Variants in NRIP1 observed in about 807,000 individuals in gnomAD.
NRIP1 encodes the protein nuclear receptor-interacting protein 1.
A neutral mutation model predicts 75.0 loss-of-function variants in NRIP1; 28 were observed. That is an observed-to-expected ratio of 0.37 (90% CI 0.28 to 0.51). The LOEUF (loss-of-function observed/expected upper bound fraction) is 0.51. Among genes scored for constraint, NRIP1 ranks in the 20% least tolerant of loss-of-function variants. The probability of loss-of-function intolerance (pLI) is 0.92; values close to 1 mark genes in which losing one functional copy is unlikely to be tolerated. For synonymous variants in NRIP1, 526 were observed against 487.6 expected, an observed-to-expected ratio of 1.08 and a Z score of -1.04; for missense variants, 1,435 against 1,343.7, an observed-to-expected ratio of 1.07 and a Z score of -1.06.
chr21:14,986,745 T>G (rs970993870), intron 3 of NRIP1, among the ~76,000 whole-genome samples: 1 of 152,196 alleles, frequency 6.6e-6, no homozygotes, highest in Non-Finnish European at 1.5e-5. Context: ...TTGGCATATA[T>G]TTTATTCATT....
chr21:15,025,780 A>G (rs916602455), intron 2 of NRIP1, among the ~76,000 whole-genome samples: 1 of 152,222 alleles, frequency 6.6e-6, no homozygotes, highest in Non-Finnish European at 1.5e-5. Context: ...ATGAGGAAAC[A>G]GAAGACAACC....
intron 3 of NRIP1, among the ~76,000 whole-genome samples, chr21:14,971,277 G>A (rs959908004): frequency 6.6e-6 from 1 of 152,126 alleles, no homozygotes; most frequent in African/African-American, 2.4e-5. Context: ...TTCCCAGTAG[G>A]AAGGAAGGGA....
At chr21:14,970,669 C>A (rs1321910325) in intron 3 of NRIP1, among the ~76,000 whole-genome samples, 1 of 152,182 alleles carries the variant, frequency 6.6e-6, no homozygotes, top group Non-Finnish European at 1.5e-5. Flanking sequence ...CACTGCCAAC[C>A]TTTTTGCTCT....
chr21:14,970,376 T>C (rs1039634513), intron 3 of NRIP1, among the ~76,000 whole-genome samples: 1 of 152,018 alleles, frequency 6.6e-6, no homozygotes, highest in Non-Finnish European at 1.5e-5. Context: ...TGAAACCCCA[T>C]CTCTAGTAAA....
At chr21:15,023,279 A>G (rs372762851) in intron 2 of NRIP1, among the ~76,000 whole-genome samples, 6 of 152,208 alleles carry the variant, frequency 3.9e-5, no homozygotes, top group East Asian at 3.8e-4. Flanking sequence ...AAAACATCAA[A>G]AGTAATTTCA....
In NRIP1 at chr21:14,964,339, G is replaced by A. The variant is rs2086664727; in HGVS notation, c.*377C>T. On this transcript the variant is annotated 3_prime_UTR_variant, in exon 4 of 4. Coordinates refer to ENST00000318948, the MANE Select transcript of NRIP1 (RefSeq NM_003489.4). ...TAGACTTTAAAAATGTGTTATGTAGGCTGACTTCTGAAAAGCAAAATAAAG... is the reference window on the plus strand; with the variant it reads ...TAGACTTTAAAAATGTGTTATGTAGACTGACTTCTGAAAAGCAAAATAAAG... 6.3e-6 allele frequency: 1 copy of A among 159,378 alleles called. No homozygotes were observed. The allele number at this position is 159,378 out of a possible 1,614,324, so 9.9% of individuals were successfully genotyped here.
At chr21:15,028,529 A>G (rs1600892983) in intron 2 of NRIP1, among the ~76,000 whole-genome samples, 1 of 152,142 alleles carries the variant, frequency 6.6e-6, no homozygotes, top group Non-Finnish European at 1.5e-5. Flanking sequence ...TTGTATGTAT[A>G]TTTTTTACAA....
chr21:14,984,764 A>G (rs2087346789), intron 3 of NRIP1, among the ~76,000 whole-genome samples: 1 of 152,208 alleles, frequency 6.6e-6, no homozygotes. Flanking sequence ...ATCATTACAG[A>G]GACCCCAACC....
intron 1 of NRIP1, among the ~76,000 whole-genome samples, chr21:15,055,023 C>G (rs947793335): frequency 3.9e-5 from 6 of 152,128 alleles, no homozygotes; most frequent in Non-Finnish European, 7.4e-5. Context: ...GTGTGTGGTC[C>G]ATGAAAAGGT....
chr21:15,000,563 C>T (rs2087827664), intron 3 of NRIP1, among the ~76,000 whole-genome samples: 1 of 152,118 alleles, frequency 6.6e-6, no homozygotes, highest in Admixed American at 6.5e-5. Context: ...TAACCATGTG[C>T]ATGCCATGTA....
rs1198395930 is a variant in NRIP1, at chr21:15,043,480, G to A, written c.-458+15C>T. Reference sequence around the variant, plus strand: ...AACATTTTTAAAAGTGGGGCAATGAGACAAAAGACAATACCTTCTGGCTGT... The same window carrying A: ...AACATTTTTAAAAGTGGGGCAATGAAACAAAAGACAATACCTTCTGGCTGT... On this transcript the variant is annotated intron_variant, in intron 2 of 3. Coordinates refer to ENST00000318948, the MANE Select transcript of NRIP1 (RefSeq NM_003489.4). The A allele has an allele frequency of 6.6e-6, 1 of 152,126 alleles. No homozygotes were observed. The highest frequency in any genetic ancestry group is 2.4e-5 in the African/African-American group (1 of 41,424). 9.4% of individuals were successfully genotyped at this position (152,126 alleles called of 1,614,324 possible).
chr21:14,966,669 C>A lies in NRIP1; in HGVS notation c.1524G>T (p.Lys508Asn), dbSNP rs1295209987. ...VTLLQLLLGH[K>N]NEENVEKNTS... ...TGTTTTTTTCTACATTTTCTTCATTCTTATGGCCAAGTAGCAATTGAAGAA... is the reference window on the plus strand; with the variant it reads ...TGTTTTTTTCTACATTTTCTTCATTATTATGGCCAAGTAGCAATTGAAGAA... Residue 508 changes from lysine (K) to asparagine (N), a missense_variant, in exon 4 of 4, where the codon AAG (lysine) becomes AAT (asparagine). Coordinates refer to ENST00000318948, the MANE Select transcript of NRIP1 (RefSeq NM_003489.4). 1 of 1,614,034 alleles carries A rather than the reference C, an allele frequency of 6.2e-7. No homozygotes were observed. The highest frequency in any genetic ancestry group is 1.7e-5 in the Admixed American group (1 of 60,004).
Position 14,964,964 on chromosome 21 carries a change from T to G in NRIP1, c.3229A>C (p.Asn1077His), listed in dbSNP as rs1269698856. 6.2e-7 allele frequency: 1 copy of G among 1,614,010 alleles called. No homozygotes were observed. The highest frequency in any genetic ancestry group is 1.7e-5 in the Admixed American group (1 of 60,016). Reference sequence around the variant, plus strand: ...TGTGTTTCTCGACTGGTAACAGAATTGCCTCCTTTTTGAAGCATGTAATAT... The same window carrying G: ...TGTGTTTCTCGACTGGTAACAGAATGGCCTCCTTTTTGAAGCATGTAATAT... The part of the protein sequence containing the change: ...ILYYMLQKGG[N>H]SVTSRETQDK... Residue 1077 changes from asparagine to histidine, a missense_variant, in exon 4 of 4, where the codon AAT (asparagine) becomes CAT (histidine). Physicochemically the swap from Asn to His is moderately conservative, Grantham distance 68. Coordinates refer to ENST00000318948, the MANE Select transcript of NRIP1 (RefSeq NM_003489.4).
chr21:14,966,131 T>C lies in NRIP1; in HGVS notation c.2062A>G (p.Ser688Gly). 1 of 1,612,898 alleles carries C rather than the reference T, an allele frequency of 6.2e-7. No homozygotes were observed. Among genetic ancestry groups the C allele is most frequent in the Non-Finnish European group, 8.5e-7 (1 of 1,179,956 alleles). The change falls in exon 4 of 4, where the codon AGT becomes GGT. Residue 688 changes from serine to glycine, a missense_variant. Transcript: ENST00000318948. ...TNAVEENKAFSSQPTGPEPGL... is the reference protein window; with the variant it reads ...TNAVEENKAFGSQPTGPEPGL... ...GGTTCAGGACCTGTTGGTTGACTACTAAATGCTTTATTTTCTTCAACTGCA... is the reference window on the plus strand; with the variant it reads ...GGTTCAGGACCTGTTGGTTGACTACCAAATGCTTTATTTTCTTCAACTGCA...
chr21:15,016,034 A>C (rs1600873270), intron 2 of NRIP1, among the ~76,000 whole-genome samples: 1 of 152,204 alleles, frequency 6.6e-6, no homozygotes, highest in South Asian at 2.1e-4. Context: ...GGAAAGAGAC[A>C]GGTCTGACAC....
chr21:14,975,694 G>T (rs2087044762), intron 3 of NRIP1, among the ~76,000 whole-genome samples: 1 of 146,940 alleles, frequency 6.8e-6, no homozygotes, highest in South Asian at 2.1e-4. Context: ...GGAGGGGAGG[G>T]GAGGAATAGA....
At chr21:15,020,892 A>G (rs2088357041) in intron 2 of NRIP1, among the ~76,000 whole-genome samples, 1 of 151,912 alleles carries the variant, frequency 6.6e-6, no homozygotes. Flanking sequence ...AAAAAAAAAG[A>G]CTGAAAAAAC....
At chr21:14,990,872 A>G (rs1324474710) in intron 3 of NRIP1, among the ~76,000 whole-genome samples, 3 of 152,160 alleles carry the variant, frequency 2.0e-5, no homozygotes, top group Non-Finnish European at 4.4e-5. Flanking sequence ...ATCTAATAAT[A>G]AGTAGCCATC....
intron 3 of NRIP1, among the ~76,000 whole-genome samples, chr21:15,008,559 G>A (rs977558826): frequency 2.0e-5 from 3 of 151,988 alleles, no homozygotes; most frequent in Non-Finnish European, 2.9e-5. Context: ...CCAAGCCAAC[G>A]CTGGCAGTAA....
Sources: gnomAD v4.1 joint callset for allele counts (sites outside exome capture counted in the v4.1 genomes callset) on GRCh38, gnomAD v4.1.1 for gene constraint, MANE v1.5 for transcripts, NCBI Gene and HGNC (gene_info 2026-07-23, HGNC 2026-07-21) for gene names.